Variants in CACNA1A observed in about 807,000 individuals in gnomAD.
CACNA1A encodes the protein calcium voltage-gated channel subunit alpha1 A, also known as voltage-dependent P/Q-type calcium channel subunit alpha-1A.
In CACNA1A, 57 loss-of-function variants were observed where a neutral mutation model predicts 262.4. That is an observed-to-expected ratio of 0.22 (90% CI 0.18 to 0.27). The LOEUF (loss-of-function observed/expected upper bound fraction) is 0.27. Among genes scored for constraint, CACNA1A ranks in the 10% least tolerant of loss-of-function variants. CACNA1A has a pLI of 1.00. For synonymous variants in CACNA1A, 1,431 were observed against 1,419.3 expected (o/e 1.01, Z -0.18); for missense variants, 2,526 against 3,562.8 (o/e 0.71, Z 7.41).
At position 13,452,881 on chromosome 19, in the gene CACNA1A, T is replaced by C. The variant is rs1568659711; in HGVS notation, c.534A>G (p.Leu178=). Residue 178 remains leucine (L), a synonymous_variant, in exon 3 of 47, where the codon CTA becomes CTG. Coordinates refer to ENST00000360228, the MANE Select transcript of CACNA1A (RefSeq NM_001127222.2). ...GWNVMDFVVV[L]TGILATVGTE... ...GTATAGCACGCGCCACTTACCCCGT[T>C]AGCACCACCACAAAGTCCATGACAT... 1 of 1,613,806 alleles carries C rather than the reference T, an allele frequency of 6.2e-7. No individual in the cohort carries two copies. The highest frequency in any genetic ancestry group is 1.7e-5 in the Admixed American group (1 of 60,014).
At chr19:13,410,406 T>G (rs553981386) in intron 3 of CACNA1A, among the ~76,000 whole-genome samples, 18 of 151,774 alleles carry the variant, frequency 1.2e-4, no homozygotes, top group Non-Finnish European at 1.9e-4. Flanking sequence ...AAAAAAAAAT[T>G]TTTTTTGTAG....
chr19:13,212,818 T>G lies in CACNA1A; in HGVS notation c.5941-78A>C. 1.6e-6 allele frequency: 1 copy of G among 615,256 alleles called. No individual in the cohort carries two copies. Among genetic ancestry groups the G allele is most frequent in the Non-Finnish European group, 2.7e-6 (1 of 363,896 alleles). 38.1% of individuals were successfully genotyped at this position (615,256 alleles called of 1,614,324 possible). A position where few individuals can be genotyped will look rare whatever the true frequency, so the allele number is the denominator to read the frequency against. On this transcript the variant is annotated intron_variant, in intron 40 of 46. Transcript: ENST00000360228. This position sits in a 1 kb window ranked among gnomAD's most constrained non-coding sequence, Gnocchi z 5.6. ...GTGGTACCCAGAAGGCATTGCGACA[T>G]CCCCAGTATACACACACACACACAC...
chr19:13,332,995 G>A (rs1469083409), intron 8 of CACNA1A, 70 bp from the exon 9 acceptor site: 3 of 1,215,512 alleles, frequency 2.5e-6, no homozygotes, highest in African/African-American at 2.9e-5. Context: ...CCAGGAAGAA[G>A]GGTCTGCCCG....
chr19:13,470,543 T>A (rs896732667), intron 1 of CACNA1A, among the ~76,000 whole-genome samples: 5 of 152,358 alleles, frequency 3.3e-5, no homozygotes, highest in South Asian at 2.1e-4. Flanking sequence ...AATCACCCTT[T>A]ATCTATCTCT....
At chr19:13,257,155 C>T (rs1251298635) in intron 28 of CACNA1A, 195 bp downstream of exon 28, 4 of 506,794 alleles carry the variant, frequency 7.9e-6, no homozygotes, top group African/African-American at 7.7e-5. Context: ...TCTAAACTGA[C>T]TGATACATAC....
At chr19:13,296,433 C>T (rs1200575561) in intron 19 of CACNA1A, among the ~76,000 whole-genome samples, 6 of 152,132 alleles carry the variant, frequency 3.9e-5, no homozygotes, top group Non-Finnish European at 7.3e-5. Flanking sequence ...TGTTGAGTCC[C>T]TATATGCAGA....
chr19:13,452,780 G>A, intron 3 of CACNA1A, 96 bp downstream of exon 3: 1 of 1,188,164 alleles, frequency 8.4e-7, no homozygotes, highest in Non-Finnish European at 1.2e-6. Flanking sequence ...GAACACAAGG[G>A]CTCAGCCTTC....
intron 24 of CACNA1A, among the ~76,000 whole-genome samples, chr19:13,269,010 T>C (rs2056946134): frequency 6.6e-6 from 1 of 151,730 alleles, no homozygotes; most frequent in Non-Finnish European, 1.5e-5. Flanking sequence ...TATTTTATAT[T>C]TTTAGAGACG....
rs780908964 is a variant in CACNA1A, at chr19:13,294,487, C to CTTTTTTTTTTTTTTTTTTTTTTTTTTT, written c.3089+4056_3089+4057insAAAAAAAAAAAAAAAAAAAAAAAAAAA. On this transcript the variant is annotated intron_variant, in intron 19 of 46. Transcript: ENST00000360228. ...TACAGGTGCATACCACTGTACCTGG[C>CTTTTTTTTTTTTTTTTTTTTTTTTTTT]TTTTTTTTTTTTTTTTTTTTTTTGA... 4.1e-5 allele frequency among the ~76,000 whole-genome samples: 3 copies of CTTTTTTTTTTTTTTTTTTTTTTTTTTT among 72,524 alleles called. 1 individual carries two copies. Among genetic ancestry groups the CTTTTTTTTTTTTTTTTTTTTTTTTTTT allele is most frequent in the East Asian group, 1.0e-3 (2 of 2,000 alleles). 47.6% of individuals were successfully genotyped at this position (72,524 alleles called of 152,430 possible). A position where few individuals can be genotyped will look rare whatever the true frequency, so the allele number is the denominator to read the frequency against.
In CACNA1A at chr19:13,495,421, C is replaced by T. The variant is rs989617637; in HGVS notation, c.293+10511G>A. On this transcript the variant is annotated intron_variant, in intron 1 of 46. Transcript: ENST00000360228. Reference sequence around the variant, plus strand: ...ATGCCATTCTCCTGCCTCAGCCTCCCAGGTAGCTGGGACTACAGGTGCCCG... The same window carrying T: ...ATGCCATTCTCCTGCCTCAGCCTCCTAGGTAGCTGGGACTACAGGTGCCCG... 3.2e-4 allele frequency among the ~76,000 whole-genome samples: 48 copies of T among 152,228 alleles called. 1 individual carries two copies. Among genetic ancestry groups the T allele is most frequent in the African/African-American group, 1.1e-3 (45 of 41,536 alleles).
At chr19:13,489,003 CTTTTTTTT>C (rs896790084) in intron 1 of CACNA1A, among the ~76,000 whole-genome samples, 6 of 75,222 alleles carry the variant, frequency 8.0e-5, no homozygotes, top group East Asian at 4.7e-4. Flanking sequence ...CTTTTCTTTT[CTTTTTTTT>C]TTTTTTTTTT....
chr19:13,394,680 G>A (rs2059779152), intron 3 of CACNA1A, among the ~76,000 whole-genome samples: 1 of 152,296 alleles, frequency 6.6e-6, no homozygotes, highest in African/African-American at 2.4e-5. Flanking sequence ...TCGTCACTGT[G>A]GGAGGTGGGC....
intron 1 of CACNA1A, among the ~76,000 whole-genome samples, chr19:13,490,554 A>G (rs949591390): frequency 6.6e-6 from 1 of 151,906 alleles, no homozygotes. Flanking sequence ...GTGAGCTGAG[A>G]TTGTGCCATT....
intron 6 of CACNA1A, among the ~76,000 whole-genome samples, chr19:13,338,274 G>C (rs1002044662): frequency 4.6e-5 from 7 of 150,644 alleles, no homozygotes; most frequent in Admixed American, 4.6e-4. Context: ...GATAATCACT[G>C]TTATGTATTC....
intron 38 of CACNA1A, among the ~76,000 whole-genome samples, chr19:13,221,033 G>A (rs556252984): frequency 2.0e-5 from 3 of 150,280 alleles, no homozygotes; most frequent in Admixed American, 6.7e-5. Context: ...GTCTTGCCAC[G>A]TGGCCTTGGC....
Position 13,255,678 on chromosome 19 carries a change from C to CTCCT in CACNA1A, c.4591-423_4591-420dup, listed in dbSNP as rs1350428703. On this transcript the variant is annotated intron_variant, in intron 28 of 46. Coordinates refer to ENST00000360228, the MANE Select transcript of CACNA1A (RefSeq NM_001127222.2). ...CCTTCCTCCCTCCCTCGCTCCCTCCCTCCTTCCTTCCTTCCTCCCTCCTTC... is the reference window on the plus strand; with the variant it reads ...CCTTCCTCCCTCCCTCGCTCCCTCCCTCCTTCCTTCCTTCCTTCCTCCCTCCTTC... 5.9e-5 allele frequency among the ~76,000 whole-genome samples: 8 copies of CTCCT among 136,042 alleles called. 1 individual carries two copies. The South Asian group carries it at 1.9e-3, about 33-fold the overall frequency. 89.2% of individuals were successfully genotyped at this position (136,042 alleles called of 152,430 possible). A position where few individuals can be genotyped will look rare whatever the true frequency, so the allele number is the denominator to read the frequency against.
At chr19:13,370,247 C>G (rs753338447) in intron 4 of CACNA1A, among the ~76,000 whole-genome samples, 12 of 151,212 alleles carry the variant, frequency 7.9e-5, no homozygotes, top group Non-Finnish European at 1.8e-4. Flanking sequence ...ATTATAGATG[C>G]CCGCCACCAC....
At chr19:13,456,558 C>A (rs926029649) in intron 1 of CACNA1A, among the ~76,000 whole-genome samples, 1 of 152,072 alleles carries the variant, frequency 6.6e-6, no homozygotes, top group Non-Finnish European at 1.5e-5. Flanking sequence ...TCTGTAGTCC[C>A]AGCTACTCGG....
In CACNA1A at chr19:13,209,293, G is replaced by T; in HGVS notation, c.6526+19C>A. On this transcript the variant is annotated intron_variant, in intron 45 of 46. Transcript: ENST00000360228. ...TCTCCTCTGTTCTGCTTGTCCCTGA[G>T]CACCACAGGGCTGCCCACCTGTGTC... The T allele has an allele frequency of 7.0e-7, 1 of 1,428,146 alleles. No individual in the cohort carries two copies. 88.5% of individuals were successfully genotyped at this position (1,428,146 alleles called of 1,614,324 possible).
Sources: allele counts gnomAD v4.1 joint callset (sites outside exome capture counted in the v4.1 genomes callset), GRCh38; gene constraint gnomAD v4.1.1; non-coding constraint Gnocchi (gnomAD v3.1); transcripts MANE v1.5; gene names NCBI Gene and HGNC (gene_info 2026-07-23, HGNC 2026-07-21).